EDIL3: variants seen among roughly 807,000 people sequenced by gnomAD.
EDIL3 encodes the protein EGF-like repeat and discoidin I-like domain-containing protein 3.
In EDIL3, 37 loss-of-function variants were observed where a neutral mutation model predicts 67.4. The ratio of observed to expected loss-of-function variants is 0.55; its 90% CI spans 0.42 to 0.72. The LOEUF is 0.72. Among genes scored for constraint, EDIL3 ranks in the 30% least tolerant of loss-of-function variants. The probability of loss-of-function intolerance (pLI) is 0.00; values close to 1 mark genes in which losing one functional copy is unlikely to be tolerated. For missense variants in EDIL3, 527 were observed against 586.3 expected, an observed-to-expected ratio of 0.90 and a Z score of 1.04; for synonymous variants, 195 against 196.3, an observed-to-expected ratio of 0.99 and a Z score of 0.05.
chr5:84,079,317 G>T (rs773652788), intron 6 of EDIL3, among the ~76,000 whole-genome samples: 1 of 152,142 alleles, frequency 6.6e-6, no homozygotes, highest in Non-Finnish European at 1.5e-5. Flanking sequence ...TGAGGGTGTA[G>T]TGGGAACCCC....
chr5:84,254,837 C>T (rs1043232329), intron 1 of EDIL3, among the ~76,000 whole-genome samples: 62 of 152,256 alleles, frequency 4.1e-4, no homozygotes, highest in African/African-American at 1.5e-3. Context: ...TAACTTATGA[C>T]ATAACAGAAA....
At chr5:84,056,408 C>T (rs1746448383) in intron 9 of EDIL3, among the ~76,000 whole-genome samples, 1 of 151,988 alleles carries the variant, frequency 6.6e-6, no homozygotes, top group African/African-American at 2.4e-5. Flanking sequence ...CAACATGGCA[C>T]ATGTATACAT....
At chr5:84,294,039 T>G (rs1745982047) in intron 1 of EDIL3, among the ~76,000 whole-genome samples, 1 of 151,880 alleles carries the variant, frequency 6.6e-6, no homozygotes, top group African/African-American at 2.4e-5. Context: ...TTACATACTG[T>G]AAAATTGCAG....
At chr5:83,955,347 T>C (rs1744495911) in intron 10 of EDIL3, among the ~76,000 whole-genome samples, 1 of 151,744 alleles carries the variant, frequency 6.6e-6, no homozygotes, top group Admixed American at 6.6e-5. Context: ...TTTTCATTTA[T>C]GAATATTTTA....
chr5:84,354,987 C>G (rs1224326329), intron 1 of EDIL3, among the ~76,000 whole-genome samples: 6 of 152,082 alleles, frequency 3.9e-5, no homozygotes, highest in South Asian at 2.1e-4. Context: ...CGAGGAGTAT[C>G]TTTGTGGTGT....
At chr5:84,017,777 T>A (rs1033161387) in intron 9 of EDIL3, among the ~76,000 whole-genome samples, 1 of 152,188 alleles carries the variant, frequency 6.6e-6, no homozygotes, top group Non-Finnish European at 1.5e-5. Flanking sequence ...GATTACTTAT[T>A]CTGTCATCTG....
chr5:84,118,245 C>T (rs73769728), intron 5 of EDIL3, among the ~76,000 whole-genome samples: 4,833 of 152,128 alleles, frequency 0.032, 243 homozygotes, highest in African/African-American at 0.11. Context: ...AAAAATTGCT[C>T]AGGCAGGGGG....
At chr5:84,132,038 G>C (rs948947258) in intron 5 of EDIL3, among the ~76,000 whole-genome samples, 1 of 151,112 alleles carries the variant, frequency 6.6e-6, no homozygotes, top group Admixed American at 6.6e-5. Context: ...TTTGAGATCA[G>C]CCTGGCTAAT....
intron 6 of EDIL3, among the ~76,000 whole-genome samples, chr5:84,100,944 T>C (rs995214771): frequency 9.9e-5 from 15 of 152,156 alleles, no homozygotes; most frequent in African/African-American, 3.4e-4. Context: ...AGGCCCTTTT[T>C]CTTTCGCCAA....
intron 4 of EDIL3, among the ~76,000 whole-genome samples, chr5:84,159,214 T>C (rs1465089991): frequency 1.3e-5 from 2 of 152,068 alleles, no homozygotes; most frequent in Non-Finnish European, 2.9e-5. Flanking sequence ...CTATCTATTA[T>C]AAATAAACAG....
chr5:84,008,346 T>C (rs1253634017), intron 9 of EDIL3, among the ~76,000 whole-genome samples: 1 of 152,180 alleles, frequency 6.6e-6, no homozygotes, highest in African/African-American at 2.4e-5. Flanking sequence ...ATACCCCATT[T>C]ACTCTTAGGT....
intron 1 of EDIL3, among the ~76,000 whole-genome samples, chr5:84,330,536 C>T (rs1746850189): frequency 6.6e-6 from 1 of 152,112 alleles, no homozygotes; most frequent in Non-Finnish European, 1.5e-5. Context: ...TCATACTCAG[C>T]TTGAGCAGAG....
In EDIL3 at chr5:84,190,069, G is replaced by C. The variant is rs115843044; in HGVS notation, c.227-9548C>G. 3.7e-3 allele frequency among the ~76,000 whole-genome samples: 567 copies of C among 152,042 alleles called. 2 individuals are homozygous for C. The highest frequency in any genetic ancestry group is 0.013 in the African/African-American group (537 of 41,510). ...AATCTTTGGCCAGTGGGATAAACAT[G>C]AACACCCCTATAATCTAAGAGAAAC... On this transcript the variant is annotated intron_variant, in intron 3 of 10. Coordinates refer to ENST00000296591, the MANE Select transcript of EDIL3 (RefSeq NM_005711.5).
At chr5:84,024,961 G>A (rs1470730661) in intron 9 of EDIL3, among the ~76,000 whole-genome samples, 1 of 151,968 alleles carries the variant, frequency 6.6e-6, no homozygotes, top group Non-Finnish European at 1.5e-5. Context: ...ACCTAAAGAA[G>A]AGCTATCTCT....
At chr5:84,176,255 A>G (rs1400086853) in intron 4 of EDIL3, among the ~76,000 whole-genome samples, 2 of 142,706 alleles carry the variant, frequency 1.4e-5, no homozygotes, top group Admixed American at 7.2e-5. Context: ...TATATTGTAT[A>G]TATATTATAT....
chr5:84,102,844 C>T (rs1747392245), intron 6 of EDIL3, among the ~76,000 whole-genome samples: 2 of 151,948 alleles, frequency 1.3e-5, no homozygotes, highest in Admixed American at 1.3e-4. Context: ...ATCAAACTCC[C>T]AATGACATTA....
intron 4 of EDIL3, among the ~76,000 whole-genome samples, chr5:84,173,331 A>G (rs1246276783): frequency 2.6e-5 from 4 of 152,128 alleles, no homozygotes; most frequent in African/African-American, 9.7e-5. Flanking sequence ...GGCTGAGCTC[A>G]TGGTGCAAGT....
intron 4 of EDIL3, among the ~76,000 whole-genome samples, chr5:84,155,746 G>C (rs1748479327): frequency 6.6e-6 from 1 of 152,010 alleles, no homozygotes; most frequent in Non-Finnish European, 1.5e-5. Context: ...TAGTATTCTT[G>C]TTTTATGTAT....
chr5:84,302,657 T>C (rs1746184226), intron 1 of EDIL3, among the ~76,000 whole-genome samples: 2 of 152,204 alleles, frequency 1.3e-5, no homozygotes, highest in Admixed American at 1.3e-4. Flanking sequence ...GGGTTTATCC[T>C]CTTCATTTCC....
Sources: allele counts gnomAD v4.1 joint callset (sites outside exome capture counted in the v4.1 genomes callset), GRCh38; gene constraint gnomAD v4.1.1; transcripts MANE v1.5; gene names NCBI Gene and HGNC (gene_info 2026-07-23, HGNC 2026-07-21).